ROBO2: variants seen among roughly 807,000 people sequenced by gnomAD.
ROBO2 encodes the protein roundabout guidance receptor 2.
In ROBO2, 53 loss-of-function variants were observed where a neutral mutation model predicts 160.8. The ratio of observed to expected loss-of-function variants is 0.33; its 90% CI spans 0.26 to 0.41. ROBO2 has a LOEUF of 0.41. Among genes scored for constraint, ROBO2 ranks in the 10% least tolerant of loss-of-function variants. The pLI is 1.00. For synonymous variants in ROBO2, 664 were observed against 611.7 expected, an observed-to-expected ratio of 1.09 and a Z score of -1.26; for missense variants, 1,577 against 1,722.4, an observed-to-expected ratio of 0.92 and a Z score of 1.49.
chr3:76,172,539 G>A (rs1204443146), intron 2 of ROBO2, among the ~76,000 whole-genome samples: 2 of 151,156 alleles, frequency 1.3e-5, no homozygotes, highest in African/African-American at 2.4e-5. Context: ...ACAAACCAAC[G>A]CTCTTCACAG....
chr3:77,470,553 A>G (rs1355678556), intron 2 of ROBO2, among the ~76,000 whole-genome samples: 2 of 152,204 alleles, frequency 1.3e-5, no homozygotes, highest in East Asian at 3.9e-4. Flanking sequence ...TATCTTTGGC[A>G]CATAGTATGT....
At chr3:76,482,490 G>T (rs1013295196) in intron 2 of ROBO2, among the ~76,000 whole-genome samples, 15 of 152,070 alleles carry the variant, frequency 9.9e-5, no homozygotes, top group African/African-American at 3.6e-4. Context: ...CCCCTACAAG[G>T]ATACTATAAT....
chr3:76,734,105 G>A (rs2093674843), intron 2 of ROBO2, among the ~76,000 whole-genome samples: 1 of 152,154 alleles, frequency 6.6e-6, no homozygotes, highest in Non-Finnish European at 1.5e-5. Flanking sequence ...AATACCATCA[G>A]ATTTGGGGTT....
At chr3:76,339,417 T>A (rs1163013717) in intron 2 of ROBO2, among the ~76,000 whole-genome samples, 1 of 152,112 alleles carries the variant, frequency 6.6e-6, no homozygotes, top group Non-Finnish European at 1.5e-5. Context: ...TATATAGCAA[T>A]AAGATATATT....
chr3:75,924,574 T>A (rs1947201841), intron 1 of ROBO2, among the ~76,000 whole-genome samples: 1 of 152,146 alleles, frequency 6.6e-6, no homozygotes, highest in African/African-American at 2.4e-5. Flanking sequence ...TTGTGTTAAT[T>A]TATTATGAGC....
intron 2 of ROBO2, among the ~76,000 whole-genome samples, chr3:77,008,997 A>G (rs1021897239): frequency 1.3e-5 from 2 of 152,198 alleles, no homozygotes; most frequent in Non-Finnish European, 2.9e-5. Context: ...TAAGATTATG[A>G]TACAGATATT....
intron 2 of ROBO2, among the ~76,000 whole-genome samples, chr3:76,318,236 C>G (rs557652920): frequency 6.2e-4 from 94 of 152,180 alleles, no homozygotes; most frequent in African/African-American, 1.9e-3. Context: ...GCACTCTTAT[C>G]AAAAGTGGGG....
intron 2 of ROBO2, among the ~76,000 whole-genome samples, chr3:76,700,883 C>A (rs556131144): frequency 2.0e-5 from 3 of 152,246 alleles, no homozygotes; most frequent in Admixed American, 1.3e-4. Flanking sequence ...CATAGTCATT[C>A]ATTCACTTGT....
intron 1 of ROBO2, among the ~76,000 whole-genome samples, chr3:75,927,191 G>C (rs1207657779): frequency 6.6e-6 from 1 of 152,108 alleles, no homozygotes; most frequent in East Asian, 1.9e-4. Context: ...CTTGGATATA[G>C]CATTAAAGGT....
At chr3:76,976,971 G>T (rs1045397725) in intron 2 of ROBO2, among the ~76,000 whole-genome samples, 9 of 152,100 alleles carry the variant, frequency 5.9e-5, no homozygotes, top group Non-Finnish European at 1.2e-4. Context: ...ATCAGCATTT[G>T]CTGTTGAGTA....
rs117439414 is a variant in ROBO2, at chr3:76,979,429, C to G, written c.110-118585C>G. Among the ~76,000 whole-genome samples the G allele has an allele frequency of 3.4e-4, 52 of 152,182 alleles. No individual in the cohort carries two copies. In the East Asian group the frequency reaches 9.7e-3, roughly 28 times the overall value. ...TTCACATTGTATGACCATGTGTACA[C>G]TCATTTAGCTCCCACCTATAAGTGA... On this transcript the variant is annotated intron_variant, in intron 2 of 26. Coordinates refer to the ROBO2 transcript ENST00000487694.
intron 2 of ROBO2, among the ~76,000 whole-genome samples, chr3:76,781,405 C>T (rs1250554559): frequency 6.6e-6 from 1 of 150,712 alleles, no homozygotes; most frequent in African/African-American, 2.4e-5. Context: ...TTATTGCCTT[C>T]CATTGACTAA....
chr3:77,084,033 G>A (rs1031685860), intron 1 of ROBO2, among the ~76,000 whole-genome samples: 1 of 152,036 alleles, frequency 6.6e-6, no homozygotes, highest in Admixed American at 6.6e-5. Context: ...GACATCTAAG[G>A]CATACATACC....
chr3:76,013,470 T>C (rs540125505), intron 2 of ROBO2, among the ~76,000 whole-genome samples: 1 of 150,482 alleles, frequency 6.6e-6, no homozygotes, highest in Non-Finnish European at 1.5e-5. Flanking sequence ...CTGTGGCTTA[T>C]GCATGTAATC....
intron 16 of ROBO2, among the ~76,000 whole-genome samples, chr3:77,587,313 G>T (rs1193142050): frequency 6.6e-6 from 1 of 152,042 alleles, no homozygotes; most frequent in Non-Finnish European, 1.5e-5. Context: ...ACTGGCTAAT[G>T]CTCAGTTACT....
chr3:77,533,617 G>A (rs145177619), intron 6 of ROBO2, among the ~76,000 whole-genome samples: 1 of 152,196 alleles, frequency 6.6e-6, no homozygotes, highest in African/African-American at 2.4e-5. Context: ...TTCGCACATT[G>A]CTGCCACCAC....
At chr3:76,848,884 G>A (rs2069045595) in intron 2 of ROBO2, among the ~76,000 whole-genome samples, 1 of 152,138 alleles carries the variant, frequency 6.6e-6, no homozygotes. Flanking sequence ...CACAATTATA[G>A]TTTTTATTAG....
At chr3:75,981,646 C>T (rs1453016894) in intron 2 of ROBO2, among the ~76,000 whole-genome samples, 1 of 150,424 alleles carries the variant, frequency 6.6e-6, no homozygotes. Flanking sequence ...TTTGTGGGTA[C>T]ATAGTAGGTG....
intron 2 of ROBO2, among the ~76,000 whole-genome samples, chr3:76,367,821 A>G (rs1354729356): frequency 6.6e-6 from 1 of 151,944 alleles, no homozygotes; most frequent in African/African-American, 2.4e-5. Flanking sequence ...TTTGTGCAAT[A>G]TGAGATTATT....
Sources: allele counts gnomAD v4.1 joint callset (sites outside exome capture counted in the v4.1 genomes callset), GRCh38; gene constraint gnomAD v4.1.1; transcripts MANE v1.5; gene names NCBI Gene and HGNC (gene_info 2026-07-23, HGNC 2026-07-21).